Variants in GPC5 observed in about 807,000 individuals in gnomAD.
GPC5 encodes the protein glypican-5.
GPC5 carries 47 observed loss-of-function variants against 53.9 expected under a neutral mutation model. The observed-to-expected ratio is 0.87, with a 90% CI of 0.69 to 1.11. GPC5 has a LOEUF of 1.11. GPC5 is among the 50% of genes most tolerant of loss of function. GPC5 has a pLI of 0.00. For synonymous variants in GPC5, 286 were observed against 263.3 expected (o/e 1.09, Z -0.84); for missense variants, 748 against 713.1 (o/e 1.05, Z -0.56).
At chr13:92,153,160 T>C (rs2041919505) in intron 7 of GPC5, among the ~76,000 whole-genome samples, 1 of 152,158 alleles carries the variant, frequency 6.6e-6, no homozygotes, top group South Asian at 2.1e-4. Flanking sequence ...TTTTTGAGAC[T>C]GAGTCTCTGT....
chr13:91,729,929 T>C (rs1435629771), intron 4 of GPC5, among the ~76,000 whole-genome samples: 1 of 152,170 alleles, frequency 6.6e-6, no homozygotes, highest in Non-Finnish European at 1.5e-5. Flanking sequence ...ACAAACTGGC[T>C]CAGGAACAAT....
chr13:92,296,139 T>C (rs1197110753), intron 7 of GPC5, among the ~76,000 whole-genome samples: 3 of 152,144 alleles, frequency 2.0e-5, no homozygotes, highest in Non-Finnish European at 4.4e-5. Context: ...CTCTCAGCCA[T>C]GTATACCAGC....
At chr13:91,959,057 AACAC>A (rs147785443) in intron 6 of GPC5, among the ~76,000 whole-genome samples, 5,578 of 127,686 alleles carry the variant, frequency 0.044, 123 homozygotes, top group Middle Eastern at 0.071. Context: ...GAATGGAGAC[AACAC>A]ACACACACAC....
At chr13:91,574,074 G>T (rs908053203) in intron 2 of GPC5, among the ~76,000 whole-genome samples, 1 of 151,992 alleles carries the variant, frequency 6.6e-6, no homozygotes, top group Non-Finnish European at 1.5e-5. Flanking sequence ...TTCTTTTTTT[G>T]TGGTAAAATT....
intron 6 of GPC5, among the ~76,000 whole-genome samples, chr13:91,988,656 CA>C (rs2138730169): frequency 6.6e-6 from 1 of 152,226 alleles, no homozygotes; most frequent in Admixed American, 6.5e-5. Flanking sequence ...TCTGATTGGT[CA>C]CGATTTTAGC....
intron 6 of GPC5, among the ~76,000 whole-genome samples, chr13:91,976,954 A>T (rs867538245): frequency 6.6e-6 from 1 of 152,122 alleles, no homozygotes; most frequent in Middle Eastern, 3.4e-3. Flanking sequence ...CAGGAGAGTC[A>T]CTTGAACCCA....
At chr13:92,516,181 C>G (rs1022183429) in intron 7 of GPC5, among the ~76,000 whole-genome samples, 1 of 151,864 alleles carries the variant, frequency 6.6e-6, no homozygotes, top group African/African-American at 2.4e-5. Flanking sequence ...TTTAAATATA[C>G]ATTAATTATA....
At chr13:91,478,713 A>G (rs866003192) in intron 2 of GPC5, among the ~76,000 whole-genome samples, 21 of 148,156 alleles carry the variant, frequency 1.4e-4, no homozygotes, top group Middle Eastern at 3.5e-3. Context: ...AAAATCAGCT[A>G]TGAATCAGGA....
intron 2 of GPC5, among the ~76,000 whole-genome samples, chr13:91,558,106 A>G (rs2031057905): frequency 6.6e-6 from 1 of 152,118 alleles, no homozygotes; most frequent in Non-Finnish European, 1.5e-5. Flanking sequence ...ACAGAATAGG[A>G]AAGGAATTGG....
intron 7 of GPC5, among the ~76,000 whole-genome samples, chr13:92,680,828 GT>G (rs905614862): frequency 2.0e-4 from 31 of 152,278 alleles, no homozygotes; most frequent in African/African-American, 7.0e-4. Flanking sequence ...AAGACACAGA[GT>G]AACAATTATT....
intron 7 of GPC5, among the ~76,000 whole-genome samples, chr13:92,635,084 T>A (rs542532590): frequency 6.6e-6 from 1 of 152,204 alleles, no homozygotes; most frequent in East Asian, 1.9e-4. Context: ...GTTCTTATAA[T>A]TATTTTATTC....
Position 92,192,426 on chromosome 13 carries a change from A to C in GPC5, c.1561+47437A>C, listed in dbSNP as rs556615365. Among the ~76,000 whole-genome samples, 447 of 152,278 alleles carry C rather than the reference A, an allele frequency of 2.9e-3. 2 individuals are homozygous for C. The highest frequency in any genetic ancestry group is 4.1e-3 in the Non-Finnish European group (282 of 68,012). On this transcript the variant is annotated intron_variant, in intron 7 of 7. Coordinates refer to ENST00000377067, the MANE Select transcript of GPC5 (RefSeq NM_004466.6). Reference sequence around the variant, plus strand: ...TTTATTAATTAATATATACATATGGAGCTCATTTTTCAAGGAAATTATCCA... The same window carrying C: ...TTTATTAATTAATATATACATATGGCGCTCATTTTTCAAGGAAATTATCCA...
In GPC5 at chr13:92,840,673, G is replaced by GGA. The variant is rs1424066066; in HGVS notation, c.1562-25609_1562-25608insGA. 7.9e-5 allele frequency among the ~76,000 whole-genome samples: 12 copies of GGA among 152,132 alleles called. No homozygotes were observed. In the South Asian group the frequency reaches 2.5e-3, roughly 32 times the overall value. On this transcript the variant is annotated intron_variant, in intron 7 of 7. Coordinates refer to ENST00000377067, the MANE Select transcript of GPC5 (RefSeq NM_004466.6). The stretch of plus-strand genomic sequence containing the variant: ...AGGATTTTGATAGGGATTGCATTAA[G>GGA]TTTATAGATTGCTTTGGGTAGTATG...
At chr13:92,625,890 GGTCAAAGCCTTAATTAAAACT>G (rs1164991367) in intron 7 of GPC5, among the ~76,000 whole-genome samples, 3 of 152,088 alleles carry the variant, frequency 2.0e-5, no homozygotes, top group Admixed American at 1.3e-4. Context: ...TGGTCACATG[GGTCAAAGCCTTAATTAAAACT>G]GTCTCCTTGT....
chr13:91,820,468 A>G (rs914007916), intron 5 of GPC5, among the ~76,000 whole-genome samples: 7 of 152,074 alleles, frequency 4.6e-5, no homozygotes, highest in African/African-American at 1.7e-4. Context: ...TTTTCTGCAA[A>G]GCCTCCCCCC....
At chr13:91,739,298 C>T (rs2036879073) in intron 4 of GPC5, among the ~76,000 whole-genome samples, 2 of 151,288 alleles carry the variant, frequency 1.3e-5, no homozygotes, top group South Asian at 4.1e-4. Flanking sequence ...CTTTTACCTG[C>T]CTCCTGGCTG....
intron 2 of GPC5, among the ~76,000 whole-genome samples, chr13:91,491,997 G>A (rs1178854109): frequency 6.6e-6 from 1 of 152,114 alleles, no homozygotes; most frequent in Non-Finnish European, 1.5e-5. Context: ...CATGTCTGTT[G>A]AATACTTAGC....
At chr13:91,949,265 G>A (rs762344663) in intron 6 of GPC5, among the ~76,000 whole-genome samples, 1 of 152,176 alleles carries the variant, frequency 6.6e-6, no homozygotes, top group Non-Finnish European at 1.5e-5. Context: ...AAAATAAAAA[G>A]AGGCTGATGT....
intron 7 of GPC5, among the ~76,000 whole-genome samples, chr13:92,304,384 T>G (rs1259218356): frequency 6.6e-6 from 1 of 151,956 alleles, no homozygotes; most frequent in Non-Finnish European, 1.5e-5. Context: ...TTTTGTATTT[T>G]TAGTAGAGAT....
Sources: gnomAD v4.1 joint callset for allele counts (sites outside exome capture counted in the v4.1 genomes callset) on GRCh38, gnomAD v4.1.1 for gene constraint, MANE v1.5 for transcripts, NCBI Gene and HGNC (gene_info 2026-07-23, HGNC 2026-07-21) for gene names.